Variants in SENP6 observed in about 807,000 individuals in gnomAD.
The protein encoded by SENP6 is SUMO specific peptidase 6, also known as sentrin-specific protease 6.
In SENP6, 41 loss-of-function variants were observed where a neutral mutation model predicts 134.5. That is an observed-to-expected ratio of 0.30 (90% CI 0.24 to 0.40). The LOEUF (loss-of-function observed/expected upper bound fraction) is 0.40, where lower values mean the gene tolerates loss of function less well. Among genes scored for constraint, SENP6 ranks in the 10% least tolerant of loss-of-function variants. SENP6 has a pLI of 1.00. For missense variants in SENP6, 1,248 were observed against 1,312.5 expected (o/e 0.95, Z 0.76); for synonymous variants, 395 against 429.8 (o/e 0.92, Z 1.00).
At chr6:75,638,385 C>T (rs62415571) in intron 5 of SENP6, among the ~76,000 whole-genome samples, 5,542 of 149,932 alleles carry the variant, frequency 0.037, 141 homozygotes, top group Non-Finnish European at 0.054. Context: ...GACTTTTCCC[C>T]GGTTTTATGT....
rs1776071467 is a variant in SENP6 at position 75,717,427 on chromosome 6, CTCAAG to C, written c.*1838_*1842del. The C allele has an allele frequency of 1.3e-5, 2 of 152,168 alleles. No individual in the cohort carries two copies. Among genetic ancestry groups the C allele is most frequent in the East Asian group, 3.9e-4 (2 of 5,192 alleles). 9.4% of individuals were successfully genotyped at this position (152,168 alleles called of 1,614,324 possible). A position where few individuals can be genotyped will look rare whatever the true frequency, so the allele number is the denominator to read the frequency against. ...AAATATAATTTATCCCTTGTACCAA[CTCAAG>C]TCAATCAGATTTTAACATGAAAAAT... On this transcript the variant is annotated 3_prime_UTR_variant, in exon 24 of 24. Coordinates refer to ENST00000447266, the MANE Select transcript of SENP6 (RefSeq NM_015571.4).
At chr6:75,698,299 CATT>C (rs1485668440) in intron 18 of SENP6, among the ~76,000 whole-genome samples, 1 of 152,178 alleles carries the variant, frequency 6.6e-6, no homozygotes, top group Non-Finnish European at 1.5e-5. Context: ...AGCATTCACT[CATT>C]AATAAAGAAG....
At position 75,718,168 on chromosome 6, in the gene SENP6, CTG is replaced by C. The variant is rs1776090892; in HGVS notation, c.*2577_*2578del. The C allele has an allele frequency of 6.6e-6, 1 of 152,068 alleles. No individual in the cohort carries two copies. The highest frequency in any genetic ancestry group is 2.1e-4 in the South Asian group (1 of 4,824). The allele number at this position is 152,068 out of a possible 1,614,324, so 9.4% of individuals were successfully genotyped here. On this transcript the variant is annotated 3_prime_UTR_variant, in exon 24 of 24. Transcript: ENST00000447266. ...TCTTTAAAAAAATGATCTCTGAAAA[CTG>C]TGAGACAATGTAAAAAGAATAAGTT...
At chr6:75,635,040 T>G in intron 5 of SENP6, 1 of 596,016 alleles carries the variant, frequency 1.7e-6, no homozygotes, top group South Asian at 1.6e-5. Flanking sequence ...TTGTATTGCA[T>G]TATAATCCAG....
intron 4 of SENP6, among the ~76,000 whole-genome samples, 171 bp downstream of exon 4, chr6:75,633,897 G>T (rs944757610): frequency 1.2e-4 from 18 of 152,158 alleles, no homozygotes; most frequent in African/African-American, 4.3e-4. Context: ...CTTAGGAGTA[G>T]GATTGATTGC....
intron 3 of SENP6, among the ~76,000 whole-genome samples, chr6:75,626,377 T>C (rs1768695608): frequency 6.6e-6 from 1 of 152,026 alleles, no homozygotes; most frequent in African/African-American, 2.4e-5. Flanking sequence ...ACCACTTTTC[T>C]TGGAAAAACT....
chr6:75,651,800 C>G (rs1770888980), intron 7 of SENP6, among the ~76,000 whole-genome samples: 1 of 152,130 alleles, frequency 6.6e-6, no homozygotes, highest in Non-Finnish European at 1.5e-5. Flanking sequence ...TGCTTTCTGA[C>G]TTTATGATAT....
chr6:75,616,234 ACT>A lies in SENP6; in HGVS notation c.53-5294_53-5293del, dbSNP rs1767837014. On this transcript the variant is annotated intron_variant, in intron 1 of 23. Coordinates refer to ENST00000447266, the MANE Select transcript of SENP6 (RefSeq NM_015571.4). ...TAGAATACAGTGGACATAATTTTCT[ACT>A]CTCATAATTACAAAGGTCAACCATA... Among the ~76,000 whole-genome samples the A allele has an allele frequency of 2.6e-5, 4 of 152,104 alleles. No individual in the cohort carries two copies. The South Asian group carries it at 8.3e-4, about 32-fold the overall frequency.
intron 5 of SENP6, among the ~76,000 whole-genome samples, chr6:75,638,997 G>A (rs913600146): frequency 6.6e-5 from 10 of 152,118 alleles, no homozygotes; most frequent in African/African-American, 2.2e-4. Flanking sequence ...GCTACAGTGA[G>A]CTGTGGTTGT....
At chr6:75,706,536 A>T (rs1273076777) in intron 19 of SENP6, among the ~76,000 whole-genome samples, 1 of 152,232 alleles carries the variant, frequency 6.6e-6, no homozygotes, top group Non-Finnish European at 1.5e-5. Context: ...AGTAAAAGCC[A>T]GTTAAATTTG....
intron 3 of SENP6, among the ~76,000 whole-genome samples, chr6:75,629,506 G>A (rs1260956205): frequency 6.6e-6 from 1 of 151,938 alleles, no homozygotes; most frequent in African/African-American, 2.4e-5. Flanking sequence ...CACCATGGTG[G>A]CCAGGCTGGT....
At chr6:75,645,052 G>T (rs1353099001) in intron 6 of SENP6, among the ~76,000 whole-genome samples, 1 of 152,108 alleles carries the variant, frequency 6.6e-6, no homozygotes, top group East Asian at 1.9e-4. Flanking sequence ...AGAAATAAAT[G>T]CTCTCTAGTT....
At chr6:75,621,959 C>A (rs1352697500) in intron 2 of SENP6, among the ~76,000 whole-genome samples, 1 of 152,126 alleles carries the variant, frequency 6.6e-6, no homozygotes, top group Non-Finnish European at 1.5e-5. Flanking sequence ...TGGAAATCCA[C>A]CATTTATCAT....
chr6:75,632,335 A>G (rs1469100933), intron 3 of SENP6, among the ~76,000 whole-genome samples: 9 of 152,170 alleles, frequency 5.9e-5, no homozygotes, highest in Admixed American at 5.2e-4. Flanking sequence ...GGGGACTACT[A>G]TGTAGTATTT....
At chr6:75,684,252 C>T (rs889490540) in intron 16 of SENP6, among the ~76,000 whole-genome samples, 2 of 152,106 alleles carry the variant, frequency 1.3e-5, no homozygotes, top group African/African-American at 4.8e-5. Flanking sequence ...GATTTTGTAT[C>T]CTGAGACTTT....
intron 11 of SENP6, among the ~76,000 whole-genome samples, chr6:75,671,272 T>C (rs1258434682): frequency 1.3e-5 from 2 of 152,230 alleles, no homozygotes; most frequent in African/African-American, 2.4e-5. Flanking sequence ...ATTATTTTTT[T>C]CTCTAATGTA....
chr6:75,672,034 C>T (rs1188899297), intron 11 of SENP6, among the ~76,000 whole-genome samples: 1 of 152,088 alleles, frequency 6.6e-6, no homozygotes, highest in Non-Finnish European at 1.5e-5. Context: ...AAATTGTCTA[C>T]CCTTTATTGC....
intron 23 of SENP6, among the ~76,000 whole-genome samples, chr6:75,714,704 T>C (rs1775937804): frequency 6.6e-6 from 1 of 152,188 alleles, no homozygotes; most frequent in African/African-American, 2.4e-5. Flanking sequence ...ATTTTCACTC[T>C]AGCTTTAATA....
chr6:75,623,825 G>A lies in SENP6; in HGVS notation c.147-75G>A, dbSNP rs1030078048. 6 of 1,299,962 alleles carry A rather than the reference G, an allele frequency of 4.6e-6. No homozygotes were observed. The African/African-American group carries it at 8.9e-5, about 19-fold the overall frequency. The allele number at this position is 1,299,962 out of a possible 1,614,324, so 80.5% of individuals were successfully genotyped here. On this transcript the variant is annotated intron_variant, in intron 2 of 23. Coordinates refer to ENST00000447266, the MANE Select transcript of SENP6 (RefSeq NM_015571.4). ...TGATTCCCTGAATTAGGTGAACATAGAGGATAAAACCTCAGAATTTAATAT... is the reference window on the plus strand; with the variant it reads ...TGATTCCCTGAATTAGGTGAACATAAAGGATAAAACCTCAGAATTTAATAT...
Sources: allele counts gnomAD v4.1 joint callset (sites outside exome capture counted in the v4.1 genomes callset), GRCh38; gene constraint gnomAD v4.1.1; transcripts MANE v1.5; gene names NCBI Gene and HGNC (gene_info 2026-07-23, HGNC 2026-07-21).